LAMA3: variants seen among roughly 807,000 people sequenced by gnomAD.
The protein encoded by LAMA3 is laminin subunit alpha 3.
A neutral mutation model predicts 402.0 loss-of-function variants in LAMA3; 281 were observed. The ratio of observed to expected loss-of-function variants is 0.70; its 90% confidence interval spans 0.63 to 0.77. LAMA3 has a LOEUF of 0.77. Ranked by LOEUF, LAMA3 falls within the 30% of genes least tolerant of loss-of-function variation. LAMA3 has a pLI of 0.00. For synonymous variants in LAMA3, 1,431 were observed against 1,558.4 expected (o/e 0.92, Z 1.93); for missense variants, 3,840 against 4,215.5 (o/e 0.91, Z 2.47).
chr18:23,700,927 G>T (rs2060780274), intron 1 of LAMA3, among the ~76,000 whole-genome samples: 1 of 151,988 alleles, frequency 6.6e-6, no homozygotes, highest in Admixed American at 6.6e-5. Context: ...CAAACTCCTG[G>T]GCTCAATCTA....
intron 44 of LAMA3, 130 bp from the exon 45 acceptor site, chr18:23,898,608 C>G (rs1052942716): frequency 7.0e-6 from 5 of 715,230 alleles, no homozygotes; most frequent in Non-Finnish European, 1.3e-5. Flanking sequence ...TTTCCAAGAA[C>G]CACATTTGTG....
In LAMA3 at chr18:23,707,655, T is replaced by TTTTA. The variant is rs972269788; in HGVS notation, c.295-6245_295-6242dup. 1.0e-3 allele frequency among the ~76,000 whole-genome samples: 152 copies of TTTTA among 152,266 alleles called. 1 individual carries two copies. The highest frequency in any genetic ancestry group is 2.9e-3 in the African/African-American group (122 of 41,570). On this transcript the variant is annotated intron_variant, in intron 1 of 74. Transcript: ENST00000313654. ...GATGAAGCAAACTTCTTTATACATATTTTATTTATTTATTTATTTATTTTT... is the reference window on the plus strand; with the variant it reads ...GATGAAGCAAACTTCTTTATACATATTTTATTTATTTATTTATTTATTTATTTTT...
At chr18:23,938,624 G>A (rs1434902509) in intron 67 of LAMA3, among the ~76,000 whole-genome samples, 1 of 151,576 alleles carries the variant, frequency 6.6e-6, no homozygotes, top group East Asian at 1.9e-4. Context: ...CCACAGGTTT[G>A]CAGTTCCATG....
intron 23 of LAMA3, among the ~76,000 whole-genome samples, chr18:23,828,687 C>T (rs1403624559): frequency 6.6e-6 from 1 of 152,150 alleles, no homozygotes; most frequent in Non-Finnish European, 1.5e-5. Flanking sequence ...GAGGTTCTAA[C>T]CTCTGATTTA....
intron 1 of LAMA3, among the ~76,000 whole-genome samples, chr18:23,699,024 T>TAGAGAGAGAGAGAGAGAGAGAGAGAGAG (rs34691495): frequency 1.3e-4 from 18 of 142,568 alleles, no homozygotes; most frequent in African/African-American, 4.8e-4. Context: ...GGCGGGCAGA[T>TAGAGAGAGAGAGAGAGAGAGAGAGAGAG]AGAGAGAGAG....
chr18:23,944,133 C>G (rs1362058033), intron 69 of LAMA3, among the ~76,000 whole-genome samples, 162 bp downstream of exon 69: 2 of 152,102 alleles, frequency 1.3e-5, no homozygotes, highest in Non-Finnish European at 2.9e-5. Flanking sequence ...TACTGGAGGC[C>G]GCGGCACACA....
intron 71 of LAMA3, 32 bp from the exon 72 acceptor site, chr18:23,949,997 C>T: frequency 6.2e-7 from 1 of 1,614,100 alleles, no homozygotes. Flanking sequence ...CATGGTGATG[C>T]TTTAACTTTT....
At chr18:23,858,950 G>A in intron 34 of LAMA3, 121 bp downstream of exon 34, 1 of 1,047,386 alleles carries the variant, frequency 9.5e-7, no homozygotes. Flanking sequence ...GAATTCGTCA[G>A]TTGTTTGCTC....
chr18:23,763,683 G>A (rs550199083), intron 8 of LAMA3, among the ~76,000 whole-genome samples, 160 bp downstream of exon 8: 17 of 152,328 alleles, frequency 1.1e-4, no homozygotes, highest in African/African-American at 4.1e-4. Flanking sequence ...TTAGCTGGAT[G>A]TAATTTAGGG....
chr18:23,880,324 C>T (rs1008465831), intron 39 of LAMA3, among the ~76,000 whole-genome samples: 3 of 152,198 alleles, frequency 2.0e-5, no homozygotes, highest in Admixed American at 6.5e-5. Context: ...TAAAGCCCCT[C>T]CACATGCTCT....
At position 23,954,656 on chromosome 18, in the gene LAMA3, C is replaced by G. The variant is rs761866509; in HGVS notation, c.*8C>G. On this transcript the variant is annotated 3_prime_UTR_variant, in exon 75 of 75. Coordinates refer to ENST00000313654, the MANE Select transcript of LAMA3 (RefSeq NM_198129.4). ...GGTTGTCCTGACCAGTAACCCAAGC[C>G]TATTTCACAGCAAGGAAATTCACCT... 6.2e-7 allele frequency: 1 copy of G among 1,614,036 alleles called. No homozygotes were observed. The highest frequency in any genetic ancestry group is 1.7e-5 in the Admixed American group (1 of 60,018).
intron 35 of LAMA3, among the ~76,000 whole-genome samples, chr18:23,864,520 C>T (rs1468675325): frequency 6.6e-6 from 1 of 152,148 alleles, no homozygotes; most frequent in East Asian, 1.9e-4. Flanking sequence ...AGCTACTACA[C>T]CCAGCCATAT....
intron 2 of LAMA3, among the ~76,000 whole-genome samples, chr18:23,723,428 T>C (rs897925370): frequency 2.0e-5 from 3 of 152,148 alleles, no homozygotes; most frequent in African/African-American, 7.2e-5. Flanking sequence ...GTGTCTGTGC[T>C]ATATGGTGAA....
rs370263211 is a variant in LAMA3 at position 23,933,823 on chromosome 18, C to T, written c.8750C>T (p.Ser2917Phe). The change falls in exon 67 of 75, where the codon TCT becomes TTT. Residue 2917 changes from serine (S) to phenylalanine (F), a missense_variant. By Grantham distance (155) the Ser-to-Phe change is radical. Transcript: ENST00000313654. ...SPEVLDLTSN[S>F]LKRDVSLGGC... is the part of the protein sequence containing the mutation. ...GAAGTCCTAGATTTGACCAGTAACT[C>T]TCTCAAGAGAGATGTGTCCCTGGGA... 1 of 1,614,098 alleles carries T rather than the reference C, an allele frequency of 6.2e-7. No homozygotes were observed. Among genetic ancestry groups the T allele is most frequent in the East Asian group, 2.2e-5 (1 of 44,886 alleles).
chr18:23,762,046 G>A (rs2061980035), intron 7 of LAMA3, among the ~76,000 whole-genome samples: 1 of 151,978 alleles, frequency 6.6e-6, no homozygotes, highest in African/African-American at 2.4e-5. Flanking sequence ...GTGAAACCTT[G>A]TCTCTACAAA....
intron 74 of LAMA3, among the ~76,000 whole-genome samples, chr18:23,953,430 C>T (rs1421066087): frequency 6.6e-6 from 1 of 151,430 alleles, no homozygotes; most frequent in Non-Finnish European, 1.5e-5. Context: ...CAACCTCTGC[C>T]TCCCAAGTTC....
intron 39 of LAMA3, among the ~76,000 whole-genome samples, chr18:23,881,336 A>AT (rs2064889302): frequency 6.6e-6 from 1 of 152,162 alleles, no homozygotes. Flanking sequence ...ATACTGTGCA[A>AT]TTTTTTATTG....
chr18:23,822,454 A>T, intron 20 of LAMA3, 79 bp downstream of exon 20: 1 of 1,453,606 alleles, frequency 6.9e-7, no homozygotes, highest in East Asian at 2.3e-5. Flanking sequence ...ATTTTCACAA[A>T]GTTGATCACC....
intron 44 of LAMA3, among the ~76,000 whole-genome samples, chr18:23,896,914 A>C (rs1272799343): frequency 2.0e-5 from 3 of 152,232 alleles, no homozygotes; most frequent in Non-Finnish European, 4.4e-5. Context: ...GGGAACTCCC[A>C]CCCAGAAAGA....
Sources: allele counts gnomAD v4.1 joint callset (sites outside exome capture counted in the v4.1 genomes callset), GRCh38; gene constraint gnomAD v4.1.1; transcripts MANE v1.5; gene names NCBI Gene and HGNC (gene_info 2026-07-23, HGNC 2026-07-21).